Variants in STX3 observed in about 807,000 individuals in gnomAD.
STX3 encodes syntaxin 3, also known as syntaxin-3.
In STX3, 19 loss-of-function variants were observed where a neutral mutation model predicts 40.2. The observed-to-expected ratio is 0.47, with a 90% CI of 0.33 to 0.69. STX3 has a LOEUF of 0.69. Among genes scored for constraint, STX3 ranks in the 30% least tolerant of loss-of-function variants. STX3 has a pLI of 0.02. For synonymous variants in STX3, 122 were observed against 132.2 expected (o/e 0.92, Z 0.53); for missense variants, 364 against 366.7 (o/e 0.99, Z 0.06).
At chr11:59,768,723 A>G (rs1863405542) in intron 1 of STX3, among the ~76,000 whole-genome samples, 1 of 152,212 alleles carries the variant, frequency 6.6e-6, no homozygotes. Flanking sequence ...AGTAATAGGG[A>G]ACCATCATGT....
At chr11:59,761,609 A>G (rs768967270) in intron 1 of STX3, among the ~76,000 whole-genome samples, 9 of 151,982 alleles carry the variant, frequency 5.9e-5, no homozygotes, top group Non-Finnish European at 8.8e-5. Context: ...AGCCACCTTT[A>G]TGTTAGGCCC....
intron 2 of STX3, among the ~76,000 whole-genome samples, chr11:59,773,515 A>G (rs1188000309): frequency 6.6e-6 from 1 of 152,224 alleles, no homozygotes; most frequent in Admixed American, 6.5e-5. Context: ...GGTCAATTAT[A>G]TGTAATTGAA....
At chr11:59,755,723 G>A (rs1862674315) in intron 1 of STX3, 88 bp downstream of exon 1, 1 of 1,434,594 alleles carries the variant, frequency 7.0e-7, no homozygotes, top group Admixed American at 2.4e-5. Flanking sequence ...AGGCTGGAGG[G>A]GGGCCCGAGC....
At chr11:59,797,928 A>C (rs552137765) in intron 10 of STX3, among the ~76,000 whole-genome samples, 1 of 152,318 alleles carries the variant, frequency 6.6e-6, no homozygotes, top group South Asian at 2.1e-4. Flanking sequence ...CAATGTACTA[A>C]ACACCTTATA....
chr11:59,790,421 G>A, intron 4 of STX3, 98 bp from the exon 5 acceptor site: 2 of 923,198 alleles, frequency 2.2e-6, no homozygotes, highest in South Asian at 1.4e-5. Context: ...ACATCTCCGT[G>A]GGCTGGATGT....
intron 1 of STX3, among the ~76,000 whole-genome samples, chr11:59,765,714 G>A (rs1431492949): frequency 6.6e-6 from 1 of 152,166 alleles, no homozygotes; most frequent in Non-Finnish European, 1.5e-5. Flanking sequence ...TGAGGCAGGA[G>A]AATCACTTGA....
Position 59,788,961 on chromosome 11 carries a change from A to G in STX3, c.289+14A>G. On this transcript the variant is annotated intron_variant, in intron 4 of 10. Transcript: ENST00000337979. ...ACAAACTGAAGAGTAAGAAGGGAAC[A>G]AAGAAAACAAGGCCGTCCCCACCAC... 1 of 1,603,154 alleles carries G rather than the reference A, an allele frequency of 6.2e-7. No homozygotes were observed. The highest frequency in any genetic ancestry group is 1.1e-5 in the South Asian group (1 of 89,386).
rs71454394 is a variant in STX3, at chr11:59,764,883, C to CTATTATTATTATTAT, written c.31-8305_31-8291dup. ...CTGCAACAACACACACACACATTATCTATTATTATTATTATTATTATTATT... is the reference window on the plus strand; with the variant it reads ...CTGCAACAACACACACACACATTATCTATTATTATTATTATTATTATTATTATTATTATTATTATT... On this transcript the variant is annotated intron_variant, in intron 1 of 10. Coordinates refer to ENST00000337979, the MANE Select transcript of STX3 (RefSeq NM_004177.5). Among the ~76,000 whole-genome samples, 38 of 145,160 alleles carry CTATTATTATTATTAT rather than the reference C, an allele frequency of 2.6e-4. No homozygotes were observed. The East Asian group carries it at 2.7e-3, about 10-fold the overall frequency.
At chr11:59,765,623 G>A (rs938415881) in intron 1 of STX3, among the ~76,000 whole-genome samples, 1 of 152,144 alleles carries the variant, frequency 6.6e-6, no homozygotes, top group South Asian at 2.1e-4. Flanking sequence ...GAGCTACATG[G>A]TGAAACCCTG....
chr11:59,792,396 T>G (rs1357720759), intron 6 of STX3, among the ~76,000 whole-genome samples, 181 bp downstream of exon 6: 1 of 152,202 alleles, frequency 6.6e-6, no homozygotes, highest in Non-Finnish European at 1.5e-5. Flanking sequence ...ACACCGTGTT[T>G]ATCAGGCCCA....
At position 59,790,521 on chromosome 11, in the gene STX3, A is replaced by G; in HGVS notation, c.292A>G (p.Met98Val). 3 of 1,613,264 alleles carry G rather than the reference A, an allele frequency of 1.9e-6. No homozygotes were observed. The highest frequency in any genetic ancestry group is 1.1e-5 in the South Asian group (1 of 91,066). ...ANNVRNKLKS[M>V]EKHIEEDEVR... ...TATAACCTTCCTCTCCTCTTTAGGC[A>G]TGGAGAAGCATATTGAAGAAGATGA... Residue 98 changes from methionine to valine, a missense_variant and splice_region_variant, in exon 5 of 11, where the codon ATG becomes GTG. Met to Val is a conservative substitution (Grantham distance 21). Coordinates refer to ENST00000337979, the MANE Select transcript of STX3 (RefSeq NM_004177.5).
At position 59,788,918 on chromosome 11, in the gene STX3, G is replaced by C. The variant is rs1460690773; in HGVS notation, c.260G>C (p.Arg87Thr). Residue 87 changes from arginine (R) to threonine (T), a missense_variant, in exon 4 of 11, where the codon AGG becomes ACG. Arg to Thr is a moderately conservative substitution (Grantham distance 71). Transcript: ENST00000337979. ...CAGCTCACGACTGAGATTAAGAAAA[G>C]GGCCAACAACGTCCGGAACAAACTG... Reference protein sequence around the residue: ...LEQLTTEIKKRANNVRNKLKS... With the variant: ...LEQLTTEIKKTANNVRNKLKS... 6.2e-7 allele frequency: 1 copy of C among 1,611,864 alleles called. No homozygotes were observed. The highest frequency in any genetic ancestry group is 1.7e-5 in the Admixed American group (1 of 59,660).
intron 9 of STX3, among the ~76,000 whole-genome samples, chr11:59,796,324 C>T (rs1366651255): frequency 3.3e-5 from 5 of 152,214 alleles, no homozygotes; most frequent in Admixed American, 2.0e-4. Flanking sequence ...GTGCCCCTGC[C>T]GCTTAAGGAC....
intron 6 of STX3, 37 bp from the exon 7 acceptor site, chr11:59,793,062 A>G: frequency 6.2e-7 from 1 of 1,604,070 alleles, no homozygotes; most frequent in Non-Finnish European, 8.5e-7. Context: ...TTTCACCGTG[A>G]TCTTATATTT....
chr11:59,763,698 CA>C (rs1297146746), intron 1 of STX3, among the ~76,000 whole-genome samples: 2 of 152,138 alleles, frequency 1.3e-5, no homozygotes, highest in African/African-American at 4.8e-5. Context: ...AAAGATAAAT[CA>C]AAGTAGAAAT....
intron 1 of STX3, among the ~76,000 whole-genome samples, chr11:59,770,990 C>T (rs529427250): frequency 6.6e-6 from 1 of 152,228 alleles, no homozygotes; most frequent in South Asian, 2.1e-4. Flanking sequence ...GACTCGGGCC[C>T]ATTCACTTCA....
chr11:59,795,884 G>A (rs1251416780), intron 9 of STX3, among the ~76,000 whole-genome samples: 3 of 152,066 alleles, frequency 2.0e-5, no homozygotes, highest in Non-Finnish European at 1.5e-5. Flanking sequence ...CTTCCCAGGT[G>A]TGCCTTGCAT....
At chr11:59,754,261 C>T (rs1172463761), upstream of STX3, 1 of 152,234 alleles carries the variant, frequency 6.6e-6, no homozygotes, top group African/African-American at 2.4e-5. Context: ...GCTCAAAGCC[C>T]GACCTCTGCC....
intron 2 of STX3, among the ~76,000 whole-genome samples, chr11:59,778,192 C>T (rs993316238): frequency 2.6e-5 from 4 of 152,154 alleles, no homozygotes; most frequent in South Asian, 4.1e-4. Flanking sequence ...ATTAAAAGAG[C>T]GGTACATAGG....
Sources: allele counts gnomAD v4.1 joint callset (sites outside exome capture counted in the v4.1 genomes callset), GRCh38; gene constraint gnomAD v4.1.1; transcripts MANE v1.5; gene names NCBI Gene and HGNC (gene_info 2026-07-23, HGNC 2026-07-21).